Variants in ANK2 observed in about 807,000 individuals in gnomAD.
ANK2 encodes the protein ankyrin 2.
In ANK2, 83 loss-of-function variants were observed where a neutral mutation model predicts 360.5. The observed-to-expected ratio is 0.23, with a 90% CI of 0.19 to 0.28. ANK2 has a LOEUF of 0.28. Ranked by LOEUF, ANK2 falls within the 10% of genes least tolerant of loss-of-function variation. The probability of loss-of-function intolerance (pLI) is 1.00; values close to 1 mark genes in which losing one functional copy is unlikely to be tolerated. For synonymous variants in ANK2, 1,740 were observed against 1,759.5 expected (o/e 0.99, Z 0.28); for missense variants, 4,201 against 4,795.7 (o/e 0.88, Z 3.66).
At chr4:112,982,117 C>G (rs577066277) in intron 2 of ANK2, among the ~76,000 whole-genome samples, 1 of 151,544 alleles carries the variant, frequency 6.6e-6, no homozygotes, top group Non-Finnish European at 1.5e-5. Flanking sequence ...GTGTGTTCTG[C>G]GAAAAATAGA....
At chr4:112,780,908 A>C in the ANK2 span, among the ~76,000 whole-genome samples, 39 of 152,354 alleles carry the variant, frequency 2.6e-4, no homozygotes, top group African/African-American at 9.4e-4. Flanking sequence ...GACACAAAGC[A>C]TAACCATATA....
At chr4:112,761,957 AC>A in the ANK2 span, among the ~76,000 whole-genome samples, 1 of 152,252 alleles carries the variant, frequency 6.6e-6, no homozygotes, top group South Asian at 2.1e-4. Context: ...TTGTAGGAAT[AC>A]AGAGAAGCAC....
intron 4 of ANK2, among the ~76,000 whole-genome samples, chr4:113,200,790 AG>A (rs1337478008): frequency 6.6e-6 from 1 of 151,244 alleles, no homozygotes; most frequent in African/African-American, 2.4e-5. Context: ...AATAAACATA[AG>A]GGTGCAGGTG....
intron 2 of ANK2, among the ~76,000 whole-genome samples, chr4:112,910,271 A>G (rs2086668281): frequency 6.6e-6 from 1 of 152,184 alleles, no homozygotes. Context: ...CAGTGGTGCA[A>G]AGAAAACATT....
At chr4:113,004,235 A>T (rs1036911225) in intron 2 of ANK2, among the ~76,000 whole-genome samples, 2 of 152,096 alleles carry the variant, frequency 1.3e-5, no homozygotes, top group Admixed American at 6.5e-5. Flanking sequence ...CTTTATAAAC[A>T]TTTTGTTTTT....
In ANK2 at chr4:113,258,429, C is replaced by A. The variant is rs374858404; in HGVS notation, c.1386+18C>A. On this transcript the variant is annotated intron_variant, in intron 13 of 45. Coordinates refer to ENST00000357077, the MANE Select transcript of ANK2 (RefSeq NM_001148.6). ...CTAACATTGTGAGTATGGCTTGGGT[C>A]AGAATAACCCCAGGGAGGAAGAGCG... 78 of 1,597,146 alleles carry A rather than the reference C, an allele frequency of 4.9e-5. No homozygotes were observed. The African/African-American group carries it at 9.5e-4, about 20-fold the overall frequency.
chr4:113,278,348 A>G (rs752233305), intron 16 of ANK2, 112 bp from the exon 17 acceptor site: 16 of 863,002 alleles, frequency 1.9e-5, no homozygotes, highest in Admixed American at 1.5e-4. Context: ...TCTATTGACT[A>G]TATTAATTCA....
At chr4:113,301,863 G>T (rs1349557623) in intron 22 of ANK2, among the ~76,000 whole-genome samples, 2 of 152,172 alleles carry the variant, frequency 1.3e-5, no homozygotes, top group Non-Finnish European at 2.9e-5. Context: ...AAAAAGTCCA[G>T]AGGCTCTTCA....
At chr4:113,028,394 C>T (rs1001164653) in intron 2 of ANK2, among the ~76,000 whole-genome samples, 17 of 152,120 alleles carry the variant, frequency 1.1e-4, no homozygotes, top group African/African-American at 4.1e-4. Context: ...TGTTATCTCT[C>T]GTTCATGCAA....
chr4:113,258,857 GAT>G (rs1377099985), intron 13 of ANK2, among the ~76,000 whole-genome samples: 1 of 152,188 alleles, frequency 6.6e-6, no homozygotes, highest in African/African-American at 2.4e-5. Context: ...ATTAACCAGA[GAT>G]AGATCAATAT....
chr4:113,181,136 A>G (rs2098402041), intron 2 of ANK2, among the ~76,000 whole-genome samples: 1 of 152,202 alleles, frequency 6.6e-6, no homozygotes. Flanking sequence ...TCTGTTTACA[A>G]TTAGGCAGGT....
intron 2 of ANK2, among the ~76,000 whole-genome samples, chr4:113,014,893 C>G (rs1301359910): frequency 8.4e-6 from 1 of 119,162 alleles, no homozygotes; most frequent in African/African-American, 3.3e-5. Flanking sequence ...GAGTCTCGCT[C>G]TGTCACCCAG....
Position 113,355,291 on chromosome 4 carries a change from A to G in ANK2, c.6673A>G (p.Ile2225Val), listed in dbSNP as rs912526751. ...CAGCCTGATGGAGGGGACCCCTCAG[A>G]TTAGTTCAGAAGAAAGCTATAAGCA... ...CGSLMEGTPQ[I>V]SSEESYKHEG... is the part of the protein sequence containing the mutation. Residue 2225 changes from isoleucine to valine, a missense_variant, in exon 38 of 46, where the codon ATT becomes GTT. By Grantham distance (29) the Ile-to-Val change is conservative (BLOSUM62 3). Around this residue, in one of 4 missense-constraint regions of ANK2, gnomAD observed 2,642 missense variants for 2,714.5 expected, o/e 0.97. Coordinates refer to ENST00000357077, the MANE Select transcript of ANK2 (RefSeq NM_001148.6). The G allele has an allele frequency of 1.2e-6, 2 of 1,613,940 alleles. No individual in the cohort carries two copies. The highest frequency in any genetic ancestry group is 1.7e-6 in the Non-Finnish European group (2 of 1,179,960).
chr4:113,359,059 A>T lies in ANK2; in HGVS notation c.10441A>T (p.Ile3481Phe). 1 of 1,614,080 alleles carries T rather than the reference A, an allele frequency of 6.2e-7. No homozygotes were observed. Among genetic ancestry groups the T allele is most frequent in the Non-Finnish European group, 8.5e-7 (1 of 1,179,942 alleles). The change falls in exon 38 of 46, where the codon ATT becomes TTT. Residue 3481 changes from isoleucine (I) to phenylalanine (F), a missense_variant. Coordinates refer to ENST00000357077, the MANE Select transcript of ANK2 (RefSeq NM_001148.6). ...AAATTCCATAGAATTCTTTGAGGAG[A>T]TTAGTGATGAGGCTTCCAAATTAGT... ...YRNSIEFFEE[I>F]SDEASKLVDR...
At chr4:113,329,970 T>C (rs1255054658) in intron 26 of ANK2, among the ~76,000 whole-genome samples, 2 of 152,238 alleles carry the variant, frequency 1.3e-5, no homozygotes, top group East Asian at 3.8e-4. Context: ...AGGCTTATTT[T>C]TAATTTACAG....
upstream of ANK2, among the ~76,000 whole-genome samples, chr4:113,049,439 C>G (rs1451192371): frequency 6.6e-6 from 1 of 152,152 alleles, no homozygotes; most frequent in Non-Finnish European, 1.5e-5. Flanking sequence ...CAGAAACCAA[C>G]CAGCAGAGTC....
the ANK2 span, among the ~76,000 whole-genome samples, chr4:112,724,849 G>C: frequency 1.3e-5 from 2 of 152,118 alleles, no homozygotes; most frequent in Non-Finnish European, 2.9e-5. Flanking sequence ...ATTGAAAACA[G>C]GGTCTCAAGG....
chr4:113,179,930 A>G (rs1017184431), intron 2 of ANK2, among the ~76,000 whole-genome samples: 1 of 152,260 alleles, frequency 6.6e-6, no homozygotes, highest in Admixed American at 6.5e-5. Flanking sequence ...TTTATTTAAT[A>G]CAATCCTGGA....
intron 1 of ANK2, among the ~76,000 whole-genome samples, chr4:112,821,675 AATTAAT>A (rs1348381514): frequency 2.0e-5 from 3 of 151,648 alleles, no homozygotes; most frequent in African/African-American, 7.3e-5. Flanking sequence ...CTTCTACCCT[AATTAAT>A]AAGGGGGATT....
Sources: gnomAD v4.1 joint callset for allele counts (sites outside exome capture counted in the v4.1 genomes callset) on GRCh38, gnomAD v4.1.1 for gene constraint, gnomAD v4.1.1 regional missense constraint, MANE v1.5 for transcripts, NCBI Gene and HGNC (gene_info 2026-07-23, HGNC 2026-07-21) for gene names.